The following ZNF888 variants were observed in gnomAD, a reference collection of about 807,000 sequenced individuals.
ZNF888 encodes CTD-2331H12.6.
In ZNF888, 5 loss-of-function variants were observed where a neutral mutation model predicts 7.2. The ratio of observed to expected loss-of-function variants is 0.70; its 90% CI spans 0.36 to 1.46. The LOEUF (loss-of-function observed/expected upper bound fraction) is 1.46. Among genes scored for constraint, ZNF888 ranks in the 40% most tolerant of loss-of-function variants. The pLI is 0.03. For synonymous variants in ZNF888, 240 were observed against 284.3 expected (o/e 0.84, Z 1.57); for missense variants, 716 against 858.0 (o/e 0.83, Z 2.07).
At position 52,907,397 on chromosome 19, in the gene ZNF888, C is replaced by A. The variant is rs538585435; in HGVS notation, c.925G>T (p.Asp309Tyr). The A allele has an allele frequency of 2.2e-5, 36 of 1,612,548 alleles. 1 individual carries two copies. In the South Asian group the frequency reaches 4.0e-4, roughly 18 times the overall value. ...KCNECGKTFS[D>Y]KSALLVHKTI... ...TTGTGAACTAAGAGGGCTGACTTGT[C>A]ACTGAACGTCTTGCCACACTCATTA... Residue 309 changes from aspartate to tyrosine, a missense_variant, in exon 5 of 5, where the codon GAC (aspartate) becomes TAC (tyrosine). Around this residue, in one of 2 missense-constraint regions of ZNF888, gnomAD observed 697 missense variants for 803.4 expected, o/e 0.87. Coordinates refer to ENST00000638862, the MANE Select transcript of ZNF888 (RefSeq NM_001393938.1).
chr19:52,920,523 A>G (rs2064813758), intron 1 of ZNF888, among the ~76,000 whole-genome samples: 1 of 43,162 alleles, frequency 2.3e-5, no homozygotes, highest in Non-Finnish European at 4.8e-5. Context: ...AAAAGAAAAA[A>G]AAAGAAAAGG....
chr19:52,913,425 A>G (rs1224941069), intron 4 of ZNF888, among the ~76,000 whole-genome samples: 1 of 150,816 alleles, frequency 6.6e-6, no homozygotes, highest in African/African-American at 2.4e-5. Context: ...CCCAGGTTCA[A>G]GTGACTCTCC....
chr19:52,906,267 A>G lies in ZNF888; in HGVS notation c.2055T>C (p.Thr685=). The part of the protein sequence containing the change: ...SHLAQHTRIH[T]GEKPFKCSEC... ...CACTACACTTGAAAGGTTTCTCTCC[A>G]GTATGAATTCTAGTATGTTGTGCCA... The change falls in exon 5 of 5, where the codon ACT becomes ACC. Residue 685 remains threonine, a synonymous_variant. Coordinates refer to ENST00000638862, the MANE Select transcript of ZNF888 (RefSeq NM_001393938.1). 6.2e-7 allele frequency: 1 copy of G among 1,612,206 alleles called. No homozygotes were observed. Among genetic ancestry groups the G allele is most frequent in the Non-Finnish European group, 8.5e-7 (1 of 1,178,934 alleles).
Position 52,905,544 on chromosome 19 carries a change from A to G in ZNF888, c.*621T>C, listed in dbSNP as rs1235260619. 1.4e-5 allele frequency: 3 copies of G among 221,884 alleles called. No individual in the cohort carries two copies. The highest frequency in any genetic ancestry group is 6.1e-5 in the South Asian group (1 of 16,462). 13.7% of individuals were successfully genotyped at this position (221,884 alleles called of 1,614,324 possible). On this transcript the variant is annotated 3_prime_UTR_variant, in exon 5 of 5. Transcript: ENST00000638862. ...TGGCCACACTAGTCTCAAACTCCTG[A>G]CCTCAAGAGATCCACCCACCTTGGC...
rs576946521 is a variant in ZNF888 at position 52,919,313 on chromosome 19, G to A, written c.-177-376C>T. Among the ~76,000 whole-genome samples, 12 of 62,632 alleles carry A rather than the reference G, an allele frequency of 1.9e-4. 5 individuals carry two copies. Among genetic ancestry groups the A allele is most frequent in the African/African-American group, 5.9e-4 (12 of 20,194 alleles). The allele number at this position is 62,632 out of a possible 152,430, so 41.1% of individuals were successfully genotyped here. On this transcript the variant is annotated intron_variant, in intron 1 of 4. Coordinates refer to ENST00000638862, the MANE Select transcript of ZNF888 (RefSeq NM_001393938.1). ...CTGCCGAGCGCCTGCGATTGCGGGC[G>A]CGCGCCGCCACGCCTGACTGGTTTT...
chr19:52,907,662 GCC>G lies in ZNF888; in HGVS notation c.658_659del (p.Gly220GlnfsTer4). 5.0e-6 allele frequency: 8 copies of G among 1,606,056 alleles called. No individual in the cohort carries two copies. The highest frequency in any genetic ancestry group is 6.8e-6 in the Non-Finnish European group (8 of 1,176,872). ...AGAGTGAGCTACAATTAAAGGATTT[GCC>G]ACTCTCATTAAATTGGAAAGATTTT... Reference protein sequence around the residue: ...KEKSFQFNESGKSFNCSSLFK... With the variant: ...KEKSFQFNESXKSFNCSSLFK... On this transcript the variant is annotated frameshift_variant, in exon 5 of 5. Transcript: ENST00000638862. LOFTEE classifies it low-confidence loss of function (END_TRUNC).
At chr19:52,908,322 A>G in intron 4 of ZNF888, 143 bp from the exon 5 acceptor site, 2 of 791,972 alleles carry the variant, frequency 2.5e-6, no homozygotes, top group South Asian at 3.4e-5. Flanking sequence ...AAAAGGAGGA[A>G]GATCCTTTAA....
At chr19:52,916,428 T>G (rs2064748865) in intron 3 of ZNF888, among the ~76,000 whole-genome samples, 1 of 152,034 alleles carries the variant, frequency 6.6e-6, no homozygotes, top group Admixed American at 6.6e-5. Flanking sequence ...TACAAAGGGT[T>G]GTCATTTGTC....
intron 4 of ZNF888, chr19:52,913,618 C>T: frequency 2.7e-6 from 2 of 729,232 alleles, no homozygotes; most frequent in Non-Finnish European, 3.3e-6. Context: ...GCCACTGTAC[C>T]CGGCCAGGTT....
At chr19:52,911,431 C>T (rs28690522) in intron 4 of ZNF888, among the ~76,000 whole-genome samples, 53,813 of 151,290 alleles carry the variant, frequency 0.36, 10,512 homozygotes, top group Non-Finnish European at 0.45. Flanking sequence ...CTCCATCTCC[C>T]GGGTTCACGC....
chr19:52,913,594 G>T, intron 4 of ZNF888: 1 of 472,180 alleles, frequency 2.1e-6, no homozygotes, highest in Non-Finnish European at 2.8e-6. Flanking sequence ...AAAGTCCTGG[G>T]ATTATAGGCG....
chr19:52,920,532 G>GAAAA (rs1568423875), intron 1 of ZNF888, among the ~76,000 whole-genome samples: 13 of 16,464 alleles, frequency 7.9e-4, no homozygotes, highest in African/African-American at 2.3e-3. Context: ...AAAAAGAAAA[G>GAAAA]GAAAAAAAAA....
chr19:52,921,760 T>G (rs1293374863), intron 1 of ZNF888: 1 of 469,226 alleles, frequency 2.1e-6, no homozygotes. Context: ...GAACCCCGTT[T>G]CTACTGAAAA....
intron 4 of ZNF888, among the ~76,000 whole-genome samples, chr19:52,911,569 A>C (rs1228317103): frequency 1.1e-4 from 17 of 151,028 alleles, no homozygotes; most frequent in Admixed American, 1.1e-3. Flanking sequence ...CGATCTCCTG[A>C]CCTCGTGATC....
chr19:52,912,305 G>A (rs1200679856), intron 4 of ZNF888, among the ~76,000 whole-genome samples: 2 of 147,766 alleles, frequency 1.4e-5, no homozygotes, highest in South Asian at 2.1e-4. Context: ...AGTAGAGATG[G>A]GGTTTCACCA....
intron 2 of ZNF888, 132 bp from the exon 3 acceptor site, chr19:52,918,063 C>G: frequency 6.9e-7 from 1 of 1,446,090 alleles, no homozygotes; most frequent in Non-Finnish European, 9.1e-7. Context: ...CTGCTGCCCA[C>G]CATACCAGGG....
intron 4 of ZNF888, among the ~76,000 whole-genome samples, chr19:52,912,202 C>T (rs2064690718): frequency 6.7e-6 from 1 of 150,004 alleles, no homozygotes; most frequent in South Asian, 2.1e-4. Flanking sequence ...CAAGCTCCGC[C>T]TCCCGGGTTA....
At position 52,918,014 on chromosome 19, in the gene ZNF888, C is replaced by A. The variant is rs1462809706; in HGVS notation, c.-58-83G>T. On this transcript the variant is annotated intron_variant, in intron 2 of 4. Transcript: ENST00000638862. ...ACCCCCTCCCTGTAAAACAACGACA[C>A]ATACAAAGGAGACCTCACCCTGGGA... 3.3e-6 allele frequency: 5 copies of A among 1,521,344 alleles called. No homozygotes were observed. The African/African-American group carries it at 6.9e-5, about 21-fold the overall frequency. 94.2% of individuals were successfully genotyped at this position (1,521,344 alleles called of 1,614,324 possible). A position where few individuals can be genotyped will look rare whatever the true frequency, so the allele number is the denominator to read the frequency against.
chr19:52,909,744 C>G (rs1473894312), intron 4 of ZNF888, among the ~76,000 whole-genome samples: 1 of 152,070 alleles, frequency 6.6e-6, no homozygotes, highest in East Asian at 1.9e-4. Flanking sequence ...AAACAATTCC[C>G]TCTTAAGAAA....
Sources: gnomAD v4.1 joint callset for allele counts (sites outside exome capture counted in the v4.1 genomes callset) on GRCh38, gnomAD v4.1.1 for gene constraint, gnomAD v4.1.1 regional missense constraint, MANE v1.5 for transcripts, NCBI Gene and HGNC (gene_info 2026-07-23, HGNC 2026-07-21) for gene names.